QTMAN: variants seen among roughly 807,000 people sequenced by gnomAD.
The protein encoded by QTMAN is tRNA-queuosine alpha-mannosyltransferase.
At chr2:144,102,381 G>A in the QTMAN span, among the ~76,000 whole-genome samples, 40 of 152,178 alleles carry the variant, frequency 2.6e-4, no homozygotes, top group Non-Finnish European at 5.1e-4. Flanking sequence ...AGGCTTACAG[G>A]TATACTAGGC....
chr2:144,217,638 C>G, the QTMAN span, among the ~76,000 whole-genome samples: 1 of 152,038 alleles, frequency 6.6e-6, no homozygotes, highest in Admixed American at 6.6e-5. Flanking sequence ...CTCCCAGAGT[C>G]CAACATAATC....
chr2:143,945,290 G>A, the QTMAN span: 15 of 152,306 alleles, frequency 9.8e-5, no homozygotes, highest in Admixed American at 7.2e-4. Context: ...AATAGTTCCT[G>A]AGCTCTTTGT....
chr2:144,217,138 C>T, the QTMAN span, among the ~76,000 whole-genome samples: 4 of 152,012 alleles, frequency 2.6e-5, no homozygotes, highest in African/African-American at 4.8e-5. Context: ...CTGACCCATT[C>T]GGATACGAAT....
chr2:144,150,433 A>C, the QTMAN span, among the ~76,000 whole-genome samples: 1 of 152,090 alleles, frequency 6.6e-6, no homozygotes, highest in South Asian at 2.1e-4. Flanking sequence ...GACTAGCTAC[A>C]TATGGCTATC....
the QTMAN span, among the ~76,000 whole-genome samples, chr2:143,982,121 T>C: frequency 6.6e-6 from 1 of 152,212 alleles, no homozygotes; most frequent in African/African-American, 2.4e-5. Context: ...TTAACTACAC[T>C]GCTCGAGAAA....
the QTMAN span, among the ~76,000 whole-genome samples, chr2:143,974,818 G>C: frequency 6.6e-6 from 1 of 151,736 alleles, no homozygotes; most frequent in Admixed American, 6.6e-5. Flanking sequence ...AAAATTACTA[G>C]ATTTTTTTGC....
the QTMAN span, among the ~76,000 whole-genome samples, chr2:144,056,590 CA>C: frequency 6.6e-6 from 1 of 152,110 alleles, no homozygotes; most frequent in Non-Finnish European, 1.5e-5. Flanking sequence ...TCCTATATCC[CA>C]GAACAGGGCA....
the QTMAN span, among the ~76,000 whole-genome samples, chr2:144,323,184 G>A: frequency 6.6e-6 from 1 of 152,134 alleles, no homozygotes; most frequent in Non-Finnish European, 1.5e-5. Context: ...AATTTGGCTA[G>A]TTTCACTAGC....
chr2:144,060,363 C>T, the QTMAN span, among the ~76,000 whole-genome samples: 4 of 152,100 alleles, frequency 2.6e-5, no homozygotes, highest in East Asian at 1.9e-4. Flanking sequence ...CTGGTTCAAG[C>T]GATTCTCCTG....
chr2:143,990,189 C>T, the QTMAN span, among the ~76,000 whole-genome samples: 3 of 151,824 alleles, frequency 2.0e-5, no homozygotes, highest in African/African-American at 7.3e-5. Context: ...CCTGGCTGCA[C>T]AGTAGAGTTG....
At chr2:144,177,578 T>G in the QTMAN span, among the ~76,000 whole-genome samples, 1 of 152,144 alleles carries the variant, frequency 6.6e-6, no homozygotes, top group South Asian at 2.1e-4. Context: ...TTGAGTCAAC[T>G]TGGTAGACAT....
chr2:144,105,736 T>C, the QTMAN span, among the ~76,000 whole-genome samples: 1 of 152,128 alleles, frequency 6.6e-6, no homozygotes, highest in Non-Finnish European at 1.5e-5. Context: ...AACATTCAAA[T>C]TCAGGAAATA....
the QTMAN span, among the ~76,000 whole-genome samples, chr2:144,254,389 T>C: frequency 2.0e-5 from 3 of 152,044 alleles, no homozygotes; most frequent in Non-Finnish European, 2.9e-5. Context: ...GCCATTGCAC[T>C]CCAGCCTGGG....
At chr2:144,144,455 G>C in the QTMAN span, among the ~76,000 whole-genome samples, 1 of 151,798 alleles carries the variant, frequency 6.6e-6, no homozygotes, top group African/African-American at 2.4e-5. Flanking sequence ...GCTAATTCAA[G>C]AAATCAAAAG....
At chr2:144,250,088 T>G in the QTMAN span, among the ~76,000 whole-genome samples, 1 of 152,110 alleles carries the variant, frequency 6.6e-6, no homozygotes, top group South Asian at 2.1e-4. Flanking sequence ...GCTGTATTCT[T>G]TTATCAAAAC....
the QTMAN span, among the ~76,000 whole-genome samples, chr2:144,278,419 G>C: frequency 6.6e-6 from 1 of 152,066 alleles, no homozygotes; most frequent in Non-Finnish European, 1.5e-5. Context: ...TAGTATGAAA[G>C]GAAGGAAGGG....
the QTMAN span, among the ~76,000 whole-genome samples, chr2:144,330,550 T>C: frequency 6.6e-6 from 1 of 152,186 alleles, no homozygotes; most frequent in Non-Finnish European, 1.5e-5. Flanking sequence ...GCAAGATAAT[T>C]GCTAATTCAA....
the QTMAN span, among the ~76,000 whole-genome samples, chr2:143,967,291 C>T: frequency 3.3e-5 from 5 of 151,608 alleles, no homozygotes; most frequent in South Asian, 6.3e-4. Context: ...ATGTTAACAG[C>T]GTTAAGAGTA....
the QTMAN span, among the ~76,000 whole-genome samples, chr2:144,317,090 C>T: frequency 6.6e-6 from 1 of 152,124 alleles, no homozygotes; most frequent in African/African-American, 2.4e-5. Flanking sequence ...TACTCTAGCA[C>T]CCTTTTCAAT....
Sources: gnomAD v4.1 joint callset for allele counts (sites outside exome capture counted in the v4.1 genomes callset) on GRCh38, gnomAD v4.1.1 for gene constraint, MANE v1.5 for transcripts, NCBI Gene and HGNC (gene_info 2026-07-23, HGNC 2026-07-21) for gene names.